Variants in ERC1 observed in about 807,000 individuals in gnomAD.
ERC1 encodes the protein ELKS/RAB6-interacting/CAST family member 1, also known as RAB6 interacting protein 2.
In ERC1, 56 loss-of-function variants were observed where a neutral mutation model predicts 132.0. That is an observed-to-expected ratio of 0.42 (90% CI 0.34 to 0.53). ERC1 has a LOEUF of 0.53. Among genes scored for constraint, ERC1 ranks in the 20% least tolerant of loss-of-function variants. The pLI, the probability that ERC1 is intolerant of heterozygous loss-of-function variation, is 0.03. For synonymous variants in ERC1, 478 were observed against 476.1 expected, an observed-to-expected ratio of 1.00 and a Z score of -0.05; for missense variants, 1,202 against 1,349.9, an observed-to-expected ratio of 0.89 and a Z score of 1.72.
In ERC1 at chr12:1,208,957, ATTTTTTT is replaced by A. The variant is rs538961813; in HGVS notation, c.2351+18928_2351+18934del. Among the ~76,000 whole-genome samples the A allele has an allele frequency of 7.5e-3, 539 of 71,592 alleles. 4 individuals are homozygous for A. The highest frequency in any genetic ancestry group is 0.031 in the African/African-American group (502 of 15,938). 47.0% of individuals were successfully genotyped at this position (71,592 alleles called of 152,430 possible). On this transcript the variant is annotated intron_variant, in intron 12 of 18. Transcript: ENST00000360905. ...AGGCACTTGCCACCACGCCCAGCTGATTTTTTTTTTTTTTTTTTTTTTTTTTTTTGAG... is the reference window on the plus strand; with the variant it reads ...AGGCACTTGCCACCACGCCCAGCTGATTTTTTTTTTTTTTTTTTTTTTGAG...
intron 15 of ERC1, among the ~76,000 whole-genome samples, chr12:1,347,497 A>G (rs557374457): frequency 2.8e-4 from 43 of 152,312 alleles, no homozygotes; most frequent in Admixed American, 3.9e-4. Flanking sequence ...CTTAAAATCT[A>G]TACTCAGCAA....
At chr12:996,557 C>T (rs1381025844) in intron 1 of ERC1, among the ~76,000 whole-genome samples, 1 of 151,988 alleles carries the variant, frequency 6.6e-6, no homozygotes, top group East Asian at 1.9e-4. Flanking sequence ...ATAGCCACTG[C>T]ACTCCAGCCT....
At chr12:1,068,047 T>G (rs1339997076) in intron 2 of ERC1, among the ~76,000 whole-genome samples, 1 of 149,696 alleles carries the variant, frequency 6.7e-6, no homozygotes, top group East Asian at 2.0e-4. Context: ...TTCTCCTGCC[T>G]CAGCCTCCCA....
rs141048592 is a variant in ERC1, at chr12:1,393,889, G to A, written c.2926-14260G>A. Among the ~76,000 whole-genome samples, 648 of 147,998 alleles carry A rather than the reference G, an allele frequency of 4.4e-3. 10 individuals are homozygous for A. The highest frequency in any genetic ancestry group is 0.015 in the African/African-American group (617 of 40,342). Reference sequence around the variant, plus strand: ...AAATTAGCCAAGTGTGGTGGCGGGCGCCTGTAGTCCCAGCTACTCCGGAGG... The same window carrying A: ...AAATTAGCCAAGTGTGGTGGCGGGCACCTGTAGTCCCAGCTACTCCGGAGG... On this transcript the variant is annotated intron_variant, in intron 16 of 18. Transcript: ENST00000360905.
At chr12:1,231,058 AATT>A (rs2154299887) in intron 12 of ERC1, among the ~76,000 whole-genome samples, 1 of 152,256 alleles carries the variant, frequency 6.6e-6, no homozygotes, top group African/African-American at 2.4e-5. Context: ...CATTTAAAGT[AATT>A]ATTGATAGTT....
intron 12 of ERC1, among the ~76,000 whole-genome samples, chr12:1,227,135 T>C (rs930952614): frequency 6.6e-6 from 1 of 152,208 alleles, no homozygotes; most frequent in Non-Finnish European, 1.5e-5. Flanking sequence ...CAGTTGTTTT[T>C]GATGTGTAGC....
intron 6 of ERC1, chr12:1,115,642 A>G (rs951140575): frequency 4.6e-6 from 2 of 434,316 alleles, no homozygotes; most frequent in African/African-American, 4.0e-5. Flanking sequence ...GACACAATAA[A>G]TGAAAACTGG....
chr12:1,429,497 A>G (rs1184879308), intron 17 of ERC1, among the ~76,000 whole-genome samples: 2 of 152,212 alleles, frequency 1.3e-5, no homozygotes, highest in African/African-American at 4.8e-5. Context: ...GTGATGTGAA[A>G]CTTTTATTAT....
At chr12:1,473,629 CA>C (rs34619342) in intron 18 of ERC1, among the ~76,000 whole-genome samples, 50,254 of 92,382 alleles carry the variant, frequency 0.54, 12,580 homozygotes, top group East Asian at 0.67. Context: ...GACTCTATCT[CA>C]AAAAAAAAAA....
chr12:1,238,831 T>A (rs1271385022), intron 13 of ERC1, among the ~76,000 whole-genome samples: 1 of 152,120 alleles, frequency 6.6e-6, no homozygotes, highest in African/African-American at 2.4e-5. Context: ...TTCCTTTTTA[T>A]ATAAACTAAA....
Position 1,028,349 on chromosome 12 carries a change from A to G in ERC1, c.446A>G (p.Asn149Ser). 1 of 1,614,216 alleles carries G rather than the reference A, an allele frequency of 6.2e-7. No homozygotes were observed. Among genetic ancestry groups the G allele is most frequent in the Non-Finnish European group, 8.5e-7 (1 of 1,180,050 alleles). Reference protein sequence around the residue: ...VPHSLRQARDNTIMDLQTQLK... With the variant: ...VPHSLRQARDSTIMDLQTQLK... ...CACTCCCTTCGTCAGGCGAGAGATA[A>G]CACAATCATGGATCTGCAGACACAG... The change falls in exon 2 of 19, where the codon AAC (asparagine) becomes AGC (serine). Residue 149 changes from asparagine (N) to serine (S), a missense_variant. By Grantham distance (46) the Asn-to-Ser change is conservative. Coordinates refer to ENST00000360905, the MANE Select transcript of ERC1 (RefSeq NM_178040.4).
In ERC1 at chr12:1,228,048, T is replaced by A. The variant is rs796558916; in HGVS notation, c.2352-8721T>A. Among the ~76,000 whole-genome samples, 3 of 152,348 alleles carry A rather than the reference T, an allele frequency of 2.0e-5. No homozygotes were observed. In the South Asian group the frequency reaches 6.2e-4, roughly 32 times the overall value. ...CATGCTGGTACCATAGTGTTTAGAT[T>A]TGTAACATAGTTTGAAATCCGAAAG... On this transcript the variant is annotated intron_variant, in intron 12 of 18. Coordinates refer to ENST00000360905, the MANE Select transcript of ERC1 (RefSeq NM_178040.4).
chr12:1,114,061 G>T (rs1368978151), intron 6 of ERC1, among the ~76,000 whole-genome samples: 1 of 151,604 alleles, frequency 6.6e-6, no homozygotes, highest in African/African-American at 2.4e-5. Flanking sequence ...GTCTTTCTCT[G>T]TCGCCAGGCT....
intron 1 of ERC1, among the ~76,000 whole-genome samples, chr12:1,023,721 C>T (rs906614719): frequency 4.6e-5 from 7 of 151,396 alleles, no homozygotes; most frequent in South Asian, 2.1e-4. Flanking sequence ...AAGGGAGGAA[C>T]GAACAAAGAA....
intron 16 of ERC1, among the ~76,000 whole-genome samples, chr12:1,382,761 A>G (rs889789678): frequency 2.6e-5 from 4 of 152,204 alleles, no homozygotes; most frequent in Admixed American, 6.5e-5. Flanking sequence ...GCATAAGAAA[A>G]CGTGTGTAAA....
intron 15 of ERC1, among the ~76,000 whole-genome samples, chr12:1,309,428 G>A (rs1173334321): frequency 1.3e-5 from 2 of 152,158 alleles, no homozygotes; most frequent in African/African-American, 4.8e-5. Context: ...AATAAGTATT[G>A]ATGACATCTT....
rs755412381 is a variant in ERC1, at chr12:1,196,806, T to TTCTCTCTCTCTCTCTCTCTCTCTC, written c.2351+6756_2351+6779dup. Among the ~76,000 whole-genome samples, 232 of 90,332 alleles carry TTCTCTCTCTCTCTCTCTCTCTCTC rather than the reference T, an allele frequency of 2.6e-3. 11 individuals carry two copies. The highest frequency in any genetic ancestry group is 6.4e-3 in the Middle Eastern group (1 of 156). 59.3% of individuals were successfully genotyped at this position (90,332 alleles called of 152,430 possible). ...CACCTGGTGCATGTGCGCACGCTAT[T>TTCTCTCTCTCTCTCTCTCTCTCTC]TCTCTCTCTCTCTCTCTCTCTCTCT... is the stretch of plus-strand genomic sequence containing the variant. On this transcript the variant is annotated intron_variant, in intron 12 of 18. Coordinates refer to ENST00000360905, the MANE Select transcript of ERC1 (RefSeq NM_178040.4).
At position 1,276,386 on chromosome 12, in the gene ERC1, C is replaced by T. The variant is rs534431143; in HGVS notation, c.2619+13221C>T. 4.0e-5 allele frequency among the ~76,000 whole-genome samples: 6 copies of T among 151,860 alleles called. No homozygotes were observed. In the South Asian group the frequency reaches 6.3e-4, roughly 16 times the overall value. On this transcript the variant is annotated intron_variant, in intron 14 of 18. Transcript: ENST00000360905. ...CCAAGTAGCTGGGATTACAGGCGCC[C>T]GCCACCATGCCCAGCTAATTTTTTG...
At position 1,493,082 on chromosome 12, in the gene ERC1, A is replaced by G. The variant is rs951933607; in HGVS notation, c.*2852A>G. ...ACGAAGAAGAGTGGGTGTGATCCCA[A>G]CGGGGTTTTGTAACTGAAGAAGCCC... is the stretch of plus-strand genomic sequence containing the variant. On this transcript the variant is annotated 3_prime_UTR_variant, in exon 19 of 19. Coordinates refer to ENST00000360905, the MANE Select transcript of ERC1 (RefSeq NM_178040.4). 6 of 220,250 alleles carry G rather than the reference A, an allele frequency of 2.7e-5. No homozygotes were observed. The highest frequency in any genetic ancestry group is 6.7e-5 in the African/African-American group (3 of 44,534). The allele number at this position is 220,250 out of a possible 1,614,324, so 13.6% of individuals were successfully genotyped here. A position where few individuals can be genotyped will look rare whatever the true frequency, so the allele number is the denominator to read the frequency against.
Sources: gnomAD v4.1 joint callset for allele counts (sites outside exome capture counted in the v4.1 genomes callset) on GRCh38, gnomAD v4.1.1 for gene constraint, MANE v1.5 for transcripts, NCBI Gene and HGNC (gene_info 2026-07-23, HGNC 2026-07-21) for gene names.